ANKS1B: variants seen among roughly 807,000 people sequenced by gnomAD.
ANKS1B encodes the protein ankyrin repeat and sterile alpha motif domain-containing protein 1B.
ANKS1B carries 36 observed loss-of-function variants against 148.3 expected under a neutral mutation model. The ratio of observed to expected loss-of-function variants is 0.24; its 90% CI spans 0.19 to 0.32. The LOEUF (loss-of-function observed/expected upper bound fraction) is 0.32, where lower values mean the gene tolerates loss of function less well. ANKS1B is among the 10% of genes least tolerant of loss of function. The probability of loss-of-function intolerance (pLI) is 1.00; values close to 1 mark genes in which losing one functional copy is unlikely to be tolerated. For synonymous variants in ANKS1B, 542 were observed against 560.8 expected (o/e 0.97, Z 0.47); for missense variants, 1,157 against 1,542.6 (o/e 0.75, Z 4.19).
At chr12:98,848,260 T>C (rs1236128268) in intron 17 of ANKS1B, among the ~76,000 whole-genome samples, 1 of 152,230 alleles carries the variant, frequency 6.6e-6, no homozygotes, top group Admixed American at 6.5e-5. Flanking sequence ...TATTAATTTT[T>C]CATTTCAAGA....
At chr12:99,192,311 C>A (rs989438201) in intron 14 of ANKS1B, among the ~76,000 whole-genome samples, 1 of 152,050 alleles carries the variant, frequency 6.6e-6, no homozygotes, top group Middle Eastern at 3.4e-3. Context: ...GAAGTATTTT[C>A]AGTTCAATAC....
At chr12:99,313,851 C>T (rs572245217) in intron 12 of ANKS1B, among the ~76,000 whole-genome samples, 10 of 152,146 alleles carry the variant, frequency 6.6e-5, no homozygotes, top group Non-Finnish European at 1.3e-4. Context: ...CCTTCGAAAA[C>T]TGGTACAAGA....
intron 17 of ANKS1B, among the ~76,000 whole-genome samples, chr12:98,878,614 G>T (rs575003653): frequency 1.3e-5 from 2 of 152,160 alleles, no homozygotes; most frequent in African/African-American, 4.8e-5. Flanking sequence ...GGGAAGATGG[G>T]AGGACAGGAG....
At chr12:99,660,363 C>CTTTTTTTT (rs71088137) in intron 8 of ANKS1B, among the ~76,000 whole-genome samples, 44 of 120,562 alleles carry the variant, frequency 3.6e-4, no homozygotes, top group South Asian at 8.1e-4. Flanking sequence ...TTTTCTTTTT[C>CTTTTTTTT]TTTTTTTTTT....
At chr12:99,233,857 G>C (rs2087339994) in intron 14 of ANKS1B, among the ~76,000 whole-genome samples, 1 of 151,988 alleles carries the variant, frequency 6.6e-6, no homozygotes, top group Non-Finnish European at 1.5e-5. Context: ...ATATTTATAG[G>C]AATAAAGATG....
intron 1 of ANKS1B, among the ~76,000 whole-genome samples, chr12:99,870,558 T>C (rs1386912216): frequency 6.6e-6 from 1 of 152,176 alleles, no homozygotes; most frequent in Admixed American, 6.5e-5. Flanking sequence ...AGTATGTAAG[T>C]GTTCCCTTTT....
At chr12:99,093,474 A>G (rs4762221) in intron 15 of ANKS1B, 152,093 of 152,392 alleles carry the variant, frequency 1, 75,899 homozygotes, top group Middle Eastern at 1. Context: ...CCAACATCGT[A>G]TTTGGGTGTT....
intron 4 of ANKS1B, among the ~76,000 whole-genome samples, chr12:99,801,002 G>A (rs539060129): frequency 1.3e-4 from 20 of 152,090 alleles, no homozygotes; most frequent in Non-Finnish European, 2.9e-4. Flanking sequence ...ATGGAATAGG[G>A]ACACGATAGA....
In ANKS1B at chr12:99,681,644, C is replaced by T. The variant is rs116461282; in HGVS notation, c.1129-26434G>A. Among the ~76,000 whole-genome samples, 741 of 152,306 alleles carry T rather than the reference C, an allele frequency of 4.9e-3. 8 individuals carry two copies. Among genetic ancestry groups the T allele is most frequent in the African/African-American group, 0.017 (698 of 41,568 alleles). On this transcript the variant is annotated intron_variant, in intron 8 of 26. Coordinates refer to ENST00000683438, the MANE Select transcript of ANKS1B (RefSeq NM_001352186.2). ...CCCATTCCTAGAGGAAGGGGAAGAACACCACATCAAGAGAGCACCCTGTGG... is the reference window on the plus strand; with the variant it reads ...CCCATTCCTAGAGGAAGGGGAAGAATACCACATCAAGAGAGCACCCTGTGG...
intron 8 of ANKS1B, among the ~76,000 whole-genome samples, chr12:99,741,296 C>T (rs1249089760): frequency 2.0e-5 from 3 of 151,686 alleles, no homozygotes; most frequent in Non-Finnish European, 4.4e-5. Context: ...GAAAGCTTTA[C>T]ACTGTTGATG....
intron 11 of ANKS1B, among the ~76,000 whole-genome samples, chr12:99,434,804 A>G (rs1224834578): frequency 3.3e-5 from 5 of 152,068 alleles, no homozygotes; most frequent in Non-Finnish European, 7.4e-5. Flanking sequence ...CTGTCTAGAC[A>G]TGCTCTAGGG....
At chr12:99,468,760 G>C (rs1352385931) in intron 10 of ANKS1B, among the ~76,000 whole-genome samples, 1 of 152,138 alleles carries the variant, frequency 6.6e-6, no homozygotes, top group Non-Finnish European at 1.5e-5. Flanking sequence ...ACACCAGTTA[G>C]AATGGCAATC....
At chr12:99,372,142 G>A (rs2093169992) in intron 12 of ANKS1B, among the ~76,000 whole-genome samples, 1 of 151,996 alleles carries the variant, frequency 6.6e-6, no homozygotes, top group African/African-American at 2.4e-5. Context: ...GGTAATAATG[G>A]TGTGTTAATG....
At chr12:98,782,396 T>C (rs539503719) in intron 22 of ANKS1B, among the ~76,000 whole-genome samples, 1 of 152,364 alleles carries the variant, frequency 6.6e-6, no homozygotes, top group African/African-American at 2.4e-5. Context: ...GTCTTAGGAC[T>C]GACACACAAG....
At position 98,772,650 on chromosome 12, in the gene ANKS1B, C is replaced by T. The variant is rs147484540; in HGVS notation, c.3579+392G>A. Among the ~76,000 whole-genome samples the T allele has an allele frequency of 6.3e-3, 953 of 152,236 alleles. 3 individuals are homozygous for T. Among genetic ancestry groups the T allele is most frequent in the Middle Eastern group, 0.014 (4 of 294 alleles). ...ATAGCACAGGAAAGACCCACCCCCA[C>T]GATTCAATTACCTCCCACTGGGTTC... On this transcript the variant is annotated intron_variant, in intron 25 of 26. Transcript: ENST00000683438.
At chr12:99,167,554 A>G (rs2077311003) in intron 14 of ANKS1B, among the ~76,000 whole-genome samples, 1 of 152,198 alleles carries the variant, frequency 6.6e-6, no homozygotes, top group South Asian at 2.1e-4. Flanking sequence ...GTCTAAAATC[A>G]TTGCCAAATG....
At chr12:99,183,824 G>A (rs1566575668) in intron 14 of ANKS1B, among the ~76,000 whole-genome samples, 1 of 152,106 alleles carries the variant, frequency 6.6e-6, no homozygotes, top group Non-Finnish European at 1.5e-5. Flanking sequence ...ATATGGCCAA[G>A]GATTACTCTT....
At chr12:98,882,053 G>A (rs1188823543) in intron 17 of ANKS1B, among the ~76,000 whole-genome samples, 1 of 152,044 alleles carries the variant, frequency 6.6e-6, no homozygotes, top group Non-Finnish European at 1.5e-5. Context: ...TAAAGCTGCA[G>A]ATCTTTTCTT....
chr12:99,013,109 C>G (rs2099940408), intron 17 of ANKS1B, among the ~76,000 whole-genome samples: 1 of 152,156 alleles, frequency 6.6e-6, no homozygotes, highest in Non-Finnish European at 1.5e-5. Context: ...CATCCTGGGG[C>G]TTACAGAAAG....
Sources: allele counts gnomAD v4.1 joint callset (sites outside exome capture counted in the v4.1 genomes callset), GRCh38; gene constraint gnomAD v4.1.1; transcripts MANE v1.5; gene names NCBI Gene and HGNC (gene_info 2026-07-23, HGNC 2026-07-21).